Variants in ADGRA2 observed in about 807,000 individuals in gnomAD.
ADGRA2 encodes G-protein coupled receptor 124.
A neutral mutation model predicts 98.7 loss-of-function variants in ADGRA2; 61 were observed. The ratio of observed to expected loss-of-function variants is 0.62; its 90% confidence interval spans 0.50 to 0.76. The LOEUF (loss-of-function observed/expected upper bound fraction) is 0.76. ADGRA2 is among the 30% of genes least tolerant of loss of function. The pLI, the probability that ADGRA2 is intolerant of heterozygous loss-of-function variation, is 0.00. For missense variants in ADGRA2, 1,712 were observed against 1,860.0 expected (o/e 0.92, Z 1.46); for synonymous variants, 858 against 831.5 (o/e 1.03, Z -0.55).
At chr8:37,800,023 C>T (rs973504905) in intron 1 of ADGRA2, among the ~76,000 whole-genome samples, 1 of 152,198 alleles carries the variant, frequency 6.6e-6, no homozygotes, top group Non-Finnish European at 1.5e-5. Flanking sequence ...GTCCCTCCAG[C>T]ACCCCCACAC....
intron 2 of ADGRA2, among the ~76,000 whole-genome samples, chr8:37,827,981 T>A (rs993468858): frequency 5.7e-5 from 8 of 140,510 alleles, no homozygotes; most frequent in African/African-American, 2.2e-4. Context: ...CAAAAAAAAT[T>A]TTTTTTTTTA....
chr8:37,816,140 T>C (rs544164579), intron 2 of ADGRA2, among the ~76,000 whole-genome samples: 86 of 152,238 alleles, frequency 5.6e-4, no homozygotes, highest in African/African-American at 1.9e-3. Flanking sequence ...GAATTAAGTA[T>C]ATTGGGGTCT....
Position 37,841,969 on chromosome 8 carries a change from G to A in ADGRA2, c.3631G>A (p.Ala1211Thr), listed in dbSNP as rs1344751252. Residue 1211 changes from alanine (A) to threonine (T), a missense_variant, in exon 19 of 19, where the codon GCG (alanine) becomes ACG (threonine). Physicochemically the swap from Ala to Thr is moderately conservative, Grantham distance 58 (BLOSUM62 0). Coordinates refer to ENST00000412232, the MANE Select transcript of ADGRA2 (RefSeq NM_032777.10). The surrounding 1 kb of genome is among the most constrained non-coding windows in gnomAD (Gnocchi z 5.0). ...GGCCCTGCGCGGGGGCGCGGCGGGGGCGCTGGAGCTGCTGTCCAGCGAGAG... is the reference window on the plus strand; with the variant it reads ...GGCCCTGCGCGGGGGCGCGGCGGGGACGCTGGAGCTGCTGTCCAGCGAGAG... ...LKALRGGAAG[A>T]LELLSSESGS... 9 of 1,501,980 alleles carry A rather than the reference G, an allele frequency of 6.0e-6. No individual in the cohort carries two copies. Among genetic ancestry groups the A allele is most frequent in the Non-Finnish European group, 7.9e-6 (9 of 1,134,162 alleles). 93.0% of individuals were successfully genotyped at this position (1,501,980 alleles called of 1,614,324 possible).
At chr8:37,839,323 G>A (rs963289222) in intron 15 of ADGRA2, 176 bp from the exon 16 acceptor site, 1 of 812,096 alleles carries the variant, frequency 1.2e-6, no homozygotes, top group South Asian at 5.6e-5. Context: ...TCACCCATTG[G>A]GGTTGGAATC....
intron 1 of ADGRA2, among the ~76,000 whole-genome samples, chr8:37,811,009 A>G (rs1804811202): frequency 6.6e-6 from 1 of 151,090 alleles, no homozygotes; most frequent in Non-Finnish European, 1.5e-5. Context: ...GGCTACTCAA[A>G]AGGCTGAGGC....
Position 37,833,740 on chromosome 8 carries a change from A to G in ADGRA2, c.1349A>G (p.Tyr450Cys), listed in dbSNP as rs770139947. Residue 450 changes from tyrosine (Y) to cysteine (C), a missense_variant, in exon 10 of 19, where the codon TAC (tyrosine) becomes TGC (cysteine). Physicochemically the swap from Tyr to Cys is radical, Grantham distance 194 (BLOSUM62 -2). Coordinates refer to ENST00000412232, the MANE Select transcript of ADGRA2 (RefSeq NM_032777.10). ...ACCCTGGCTCACCAGCTGCGCGTGT[A>G]CACAGCCGAGGCCGCTAGCTTTTCA... ...ALTLAHQLRV[Y>C]TAEAASFSDM... 1 of 1,614,178 alleles carries G rather than the reference A, an allele frequency of 6.2e-7. No homozygotes were observed. Among genetic ancestry groups the G allele is most frequent in the Admixed American group, 1.7e-5 (1 of 60,028 alleles).
rs1376475841 is a variant in ADGRA2, at chr8:37,830,680, G to A, written c.719-30G>A. The A allele has an allele frequency of 1.4e-5, 18 of 1,257,580 alleles. No homozygotes were observed. Among genetic ancestry groups the A allele is most frequent in the African/African-American group, 6.3e-5 (4 of 63,288 alleles). The allele number at this position is 1,257,580 out of a possible 1,614,324, so 77.9% of individuals were successfully genotyped here. On this transcript the variant is annotated intron_variant, in intron 6 of 18. Transcript: ENST00000412232. The surrounding 1 kb of genome is among the most constrained non-coding windows in gnomAD (Gnocchi z 4.8). ...TGCAGCCTCACATGCGTGTGCACTC[G>A]GGCCTCACGCCTGGTGTCTCCTCCC...
chr8:37,815,666 C>T (rs757433370), intron 2 of ADGRA2, among the ~76,000 whole-genome samples: 7 of 152,204 alleles, frequency 4.6e-5, no homozygotes, highest in Non-Finnish European at 8.8e-5. Flanking sequence ...AAGCCCTGCC[C>T]TCTCCTCATG....
chr8:37,815,927 A>T (rs1804966393), intron 2 of ADGRA2, among the ~76,000 whole-genome samples: 1 of 152,118 alleles, frequency 6.6e-6, no homozygotes. Flanking sequence ...TCACGCCCCC[A>T]TCCCGTCTCC....
At position 37,828,874 on chromosome 8, in the gene ADGRA2, A is replaced by G. The variant is rs779921719; in HGVS notation, c.339-14A>G. The G allele has an allele frequency of 1.3e-6, 2 of 1,595,282 alleles. No individual in the cohort carries two copies. The highest frequency in any genetic ancestry group is 2.3e-5 in the South Asian group (2 of 88,232). ...CGGGGAGAGGTGTGAGGGCCTCTGC[A>G]CTTGCCTCTGCAGGGACCTGAGGAA... On this transcript the variant is annotated splice_polypyrimidine_tract_variant and intron_variant, in intron 2 of 18. Coordinates refer to ENST00000412232, the MANE Select transcript of ADGRA2 (RefSeq NM_032777.10).
chr8:37,799,373 TAAA>T (rs745339505), intron 1 of ADGRA2, among the ~76,000 whole-genome samples: 78 of 124,242 alleles, frequency 6.3e-4, no homozygotes, highest in African/African-American at 2.1e-3. Flanking sequence ...AGACTCCGTA[TAAA>T]AAAAAAAAAA....
At chr8:37,831,372 G>A (rs774708865) in intron 7 of ADGRA2, 51 bp from the exon 8 acceptor site, 10 of 1,581,934 alleles carry the variant, frequency 6.3e-6, no homozygotes, top group South Asian at 2.2e-5. Flanking sequence ...GGAGGGCAAC[G>A]TGGCTGGGCC....
chr8:37,797,293 C>T lies in ADGRA2; in HGVS notation c.25C>T (p.Arg9Trp). The change falls in exon 1 of 19, where the codon CGG becomes TGG. Residue 9 changes from arginine to tryptophan, a missense_variant. Coordinates refer to ENST00000412232, the MANE Select transcript of ADGRA2 (RefSeq NM_032777.10). This position sits in a 1 kb window ranked among gnomAD's most constrained non-coding sequence, Gnocchi z 5.3. MGAGGRRMRGAPARLLLPL... is the reference protein window; with the variant it reads MGAGGRRMWGAPARLLLPL... ...GATGGGCGCCGGGGGACGCAGGATGCGGGGGGCGCCCGCGCGCCTGCTGCT... is the reference window on the plus strand; with the variant it reads ...GATGGGCGCCGGGGGACGCAGGATGTGGGGGGCGCCCGCGCGCCTGCTGCT... 9.9e-6 allele frequency: 13 copies of T among 1,307,610 alleles called. No homozygotes were observed. The highest frequency in any genetic ancestry group is 6.8e-6 in the Non-Finnish European group (7 of 1,035,384). The allele number at this position is 1,307,610 out of a possible 1,614,324, so 81.0% of individuals were successfully genotyped here. A position where few individuals can be genotyped will look rare whatever the true frequency, so the allele number is the denominator to read the frequency against.
chr8:37,831,038 G>A, intron 7 of ADGRA2, 115 bp downstream of exon 7: 1 of 723,352 alleles, frequency 1.4e-6, no homozygotes, highest in Non-Finnish European at 2.3e-6. Context: ...GACTGTGCTT[G>A]TATATTTATG....
At chr8:37,812,048 G>T (rs1804846170) in intron 1 of ADGRA2, among the ~76,000 whole-genome samples, 1 of 151,928 alleles carries the variant, frequency 6.6e-6, no homozygotes, top group Non-Finnish European at 1.5e-5. Flanking sequence ...GTTGCAGTGA[G>T]CCGACATCGT....
rs532513814 is a variant in ADGRA2 at position 37,835,751 on chromosome 8, C to T, written c.2031C>T (p.Pro677=). ...GCAAGAGGCGTGGCGTGGCCACCCCCGTCATCTTCGCAGGAACCAGTAAGG... is the reference window on the plus strand; with the variant it reads ...GCAAGAGGCGTGGCGTGGCCACCCCTGTCATCTTCGCAGGAACCAGTAAGG... ...GPGKRRGVAT[P]VIFAGTSGCG... The change falls in exon 13 of 19, where the codon CCC becomes CCT. Residue 677 remains proline (P), a synonymous_variant. Coordinates refer to ENST00000412232, the MANE Select transcript of ADGRA2 (RefSeq NM_032777.10). The T allele has an allele frequency of 3.1e-6, 5 of 1,611,888 alleles. No homozygotes were observed. The East Asian group carries it at 6.7e-5, about 22-fold the overall frequency.
Position 37,834,127 on chromosome 8 carries a change from T to G in ADGRA2, c.1607T>G (p.Val536Gly), listed in dbSNP as rs763526015. 14 of 1,609,154 alleles carry G rather than the reference T, an allele frequency of 8.7e-6. No homozygotes were observed. Among genetic ancestry groups the G allele is most frequent in the Non-Finnish European group, 1.2e-5 (14 of 1,178,310 alleles). The change falls in exon 11 of 19, where the codon GTG (valine) becomes GGG (glycine). Residue 536 changes from valine to glycine, a missense_variant and splice_region_variant. Transcript: ENST00000412232. This position sits in a 1 kb window ranked among gnomAD's most constrained non-coding sequence, Gnocchi z 4.2. The stretch of plus-strand genomic sequence containing the variant: ...AGCCCCCATGCCCAGCACATCTCAG[T>G]GGTAATGGGGGTCAGCAGAGGGGGT... Reference protein sequence around the residue: ...ALSPHAQHISVNARNVALEAY... With the variant: ...ALSPHAQHISGNARNVALEAY...
In ADGRA2 at chr8:37,830,364, C is replaced by T. The variant is rs771360454; in HGVS notation, c.719-346C>T. On this transcript the variant is annotated intron_variant, in intron 6 of 18. Coordinates refer to ENST00000412232, the MANE Select transcript of ADGRA2 (RefSeq NM_032777.10). The surrounding 1 kb of genome is among the most constrained non-coding windows in gnomAD (Gnocchi z 4.8). ...ACTCCGCCTATGACTGTGTGCTGGG[C>T]GTGTCCTCCAGGGCATCCCCTTTCC... 5.9e-5 allele frequency among the ~76,000 whole-genome samples: 9 copies of T among 152,214 alleles called. No individual in the cohort carries two copies. Among genetic ancestry groups the T allele is most frequent in the Non-Finnish European group, 1.2e-4 (8 of 68,040 alleles).
Position 37,831,278 on chromosome 8 carries a change from C to T in ADGRA2, c.933-145C>T, listed in dbSNP as rs1438097605. ...AAAAAAACAGTATCATAAGGCCAATCAGAATAAAAGGAGTGCATACTTGCA... is the reference window on the plus strand; with the variant it reads ...AAAAAAACAGTATCATAAGGCCAATTAGAATAAAAGGAGTGCATACTTGCA... On this transcript the variant is annotated intron_variant, in intron 7 of 18. Transcript: ENST00000412232. The T allele has an allele frequency of 5.6e-6, 4 of 712,056 alleles. No homozygotes were observed. In the Admixed American group the frequency reaches 1.1e-4, roughly 19 times the overall value. 44.1% of individuals were successfully genotyped at this position (712,056 alleles called of 1,614,324 possible).
Sources: allele counts gnomAD v4.1 joint callset (sites outside exome capture counted in the v4.1 genomes callset), GRCh38; gene constraint gnomAD v4.1.1; non-coding constraint Gnocchi (gnomAD v3.1); transcripts MANE v1.5; gene names NCBI Gene and HGNC (gene_info 2026-07-23, HGNC 2026-07-21).